The following FHIT variants were observed in gnomAD, a reference collection of about 807,000 sequenced individuals.
The protein encoded by FHIT is bis(5'-adenosyl)-triphosphatase.
In FHIT, 19 loss-of-function variants were observed where a neutral mutation model predicts 17.9. The observed-to-expected ratio is 1.06, with a 90% CI of 0.74 to 1.56. The LOEUF is 1.56. Among genes scored for constraint, FHIT ranks in the 40% most tolerant of loss-of-function variants. The pLI is 0.00. For synonymous variants in FHIT, 81 were observed against 69.7 expected (o/e 1.16, Z -0.81); for missense variants, 248 against 189.2 (o/e 1.31, Z -1.82).
intron 4 of FHIT, among the ~76,000 whole-genome samples, chr3:60,614,840 T>G (rs1262996336): frequency 3.0e-5 from 2 of 67,196 alleles, no homozygotes; most frequent in Non-Finnish European, 3.9e-5. Flanking sequence ...TGTTTTTTTT[T>G]TGTTTTTTGA....
intron 5 of FHIT, among the ~76,000 whole-genome samples, chr3:60,506,789 C>G (rs2034750009): frequency 6.6e-6 from 1 of 152,180 alleles, no homozygotes; most frequent in Admixed American, 6.5e-5. Flanking sequence ...CCAAAGCCAG[C>G]TGAGCCCAGC....
At chr3:60,075,050 C>G (rs1702943485) in intron 5 of FHIT, among the ~76,000 whole-genome samples, 2 of 152,044 alleles carry the variant, frequency 1.3e-5, no homozygotes, top group South Asian at 2.1e-4. Context: ...GTTTCTGCCC[C>G]CCTAAAATGT....
At chr3:61,101,397 C>T (rs903818046) in intron 2 of FHIT, among the ~76,000 whole-genome samples, 2 of 152,124 alleles carry the variant, frequency 1.3e-5, no homozygotes, top group African/African-American at 2.4e-5. Context: ...TTCTGGGGCT[C>T]TGTTCTATTC....
At chr3:60,480,132 T>C (rs1472973881) in intron 5 of FHIT, among the ~76,000 whole-genome samples, 2 of 152,002 alleles carry the variant, frequency 1.3e-5, no homozygotes, top group Non-Finnish European at 2.9e-5. Flanking sequence ...GAAAGCAAGG[T>C]ATGTCTCCCA....
intron 5 of FHIT, among the ~76,000 whole-genome samples, chr3:60,245,624 T>C (rs1001634053): frequency 3.9e-5 from 6 of 152,086 alleles, no homozygotes; most frequent in Admixed American, 1.3e-4. Context: ...TTGAGGATGA[T>C]ATAGTCATTT....
Position 61,091,100 on chromosome 3 carries a change from TA to T in FHIT, c.-163-49002del. On this transcript the variant is annotated intron_variant, in intron 2 of 9. Coordinates refer to ENST00000492590, the MANE Select transcript of FHIT (RefSeq NM_002012.4). ...ATCCCTTAACTAACAATAATTATTC[TA>T]ATTTACCACATAAAGACAAGAAAAA... 1.3e-5 allele frequency among the ~76,000 whole-genome samples: 2 copies of T among 152,340 alleles called. 1 individual carries two copies. The highest frequency in any genetic ancestry group is 6.8e-3 in the Middle Eastern group (2 of 294).
intron 1 of FHIT, among the ~76,000 whole-genome samples, chr3:61,208,822 G>A (rs199852157): frequency 1.3e-4 from 20 of 151,798 alleles, no homozygotes; most frequent in Non-Finnish European, 5.9e-5. Flanking sequence ...TTACATTTAA[G>A]GTTAATATTC....
Position 60,232,245 on chromosome 3 carries a change from T to G in FHIT, c.104-218093A>C, listed in dbSNP as rs184454279. The stretch of plus-strand genomic sequence containing the variant: ...GGTCACTCTACACATGGTAGGGTGA[T>G]GGAGGTGTTTTTGGACAGCCAGACT... On this transcript the variant is annotated intron_variant, in intron 5 of 9. Transcript: ENST00000492590. Among the ~76,000 whole-genome samples the G allele has an allele frequency of 3.1e-4, 47 of 152,274 alleles. 1 individual carries two copies. In the South Asian group the frequency reaches 8.9e-3, roughly 29 times the overall value.
chr3:61,141,349 C>T (rs2107002620), intron 2 of FHIT, among the ~76,000 whole-genome samples: 1 of 152,292 alleles, frequency 6.6e-6, no homozygotes, highest in South Asian at 2.1e-4. Context: ...TTCAAAGACA[C>T]TGATAATGGA....
chr3:60,433,181 T>C (rs1416921596), intron 5 of FHIT, among the ~76,000 whole-genome samples: 5 of 152,084 alleles, frequency 3.3e-5, no homozygotes, highest in Non-Finnish European at 7.4e-5. Context: ...TGCACTTCTG[T>C]GACTGGTTAA....
At chr3:61,019,493 T>G (rs886208364) in intron 3 of FHIT, among the ~76,000 whole-genome samples, 19 of 152,312 alleles carry the variant, frequency 1.2e-4, no homozygotes, top group African/African-American at 3.8e-4. Context: ...GTCTCTTCAT[T>G]ACCGTGAATA....
Position 60,774,735 on chromosome 3 carries a change from T to G in FHIT, c.-18+47184A>C, listed in dbSNP as rs955662232. On this transcript the variant is annotated intron_variant, in intron 4 of 9. Transcript: ENST00000492590. Reference sequence around the variant, plus strand: ...AAGGGTTCCTTGAATATAAGCACTGTGATACTGCAACAGTGGATCTGATCA... The same window carrying G: ...AAGGGTTCCTTGAATATAAGCACTGGGATACTGCAACAGTGGATCTGATCA... Among the ~76,000 whole-genome samples, 5 of 152,328 alleles carry G rather than the reference T, an allele frequency of 3.3e-5. 1 individual carries two copies. In the East Asian group the frequency reaches 9.6e-4, roughly 29 times the overall value.
intron 3 of FHIT, among the ~76,000 whole-genome samples, chr3:60,923,505 A>G (rs1174536364): frequency 6.6e-6 from 1 of 152,246 alleles, no homozygotes; most frequent in African/African-American, 2.4e-5. Context: ...CTCCTAATTG[A>G]TACCTTATTC....
At chr3:60,071,720 T>TA (rs1213557305) in intron 5 of FHIT, among the ~76,000 whole-genome samples, 1 of 152,160 alleles carries the variant, frequency 6.6e-6, no homozygotes, top group Non-Finnish European at 1.5e-5. Flanking sequence ...CCAGTGATAA[T>TA]AAAATGTCCC....
At chr3:60,747,475 A>G (rs2042382014) in intron 4 of FHIT, among the ~76,000 whole-genome samples, 1 of 152,198 alleles carries the variant, frequency 6.6e-6, no homozygotes, top group Admixed American at 6.5e-5. Context: ...AATGCCCAAT[A>G]AATTTTTGCT....
chr3:60,360,419 G>A (rs907108880), intron 5 of FHIT, among the ~76,000 whole-genome samples: 1 of 152,250 alleles, frequency 6.6e-6, no homozygotes, highest in Non-Finnish European at 1.5e-5. Flanking sequence ...ACAGAGTTCA[G>A]ATACTAAATA....
At chr3:60,148,435 T>C (rs1315779698) in intron 5 of FHIT, among the ~76,000 whole-genome samples, 1 of 152,236 alleles carries the variant, frequency 6.6e-6, no homozygotes. Flanking sequence ...GTATAGTATT[T>C]ATTTTTATCC....
chr3:60,579,111 T>C lies in FHIT; in HGVS notation c.-17-42132A>G, dbSNP rs557922498. On this transcript the variant is annotated intron_variant, in intron 4 of 9. Transcript: ENST00000492590. ...GCAAGCATACCTGTACAGTCATGCA[T>C]TGCTTAACAATGAGAAGTTCTGAGA... is the stretch of plus-strand genomic sequence containing the variant. Among the ~76,000 whole-genome samples the C allele has an allele frequency of 1.1e-4, 17 of 152,302 alleles. 1 individual carries two copies. The South Asian group carries it at 1.4e-3, about 13-fold the overall frequency.
At chr3:59,816,319 T>C (rs1052977227) in intron 8 of FHIT, among the ~76,000 whole-genome samples, 3 of 152,228 alleles carry the variant, frequency 2.0e-5, no homozygotes. Flanking sequence ...ATCTTCAATA[T>C]GATTTTTGCC....
Sources: gnomAD v4.1 joint callset for allele counts (sites outside exome capture counted in the v4.1 genomes callset) on GRCh38, gnomAD v4.1.1 for gene constraint, MANE v1.5 for transcripts, NCBI Gene and HGNC (gene_info 2026-07-23, HGNC 2026-07-21) for gene names.